The following LRRC37A3 variants were observed in gnomAD, a reference collection of about 807,000 sequenced individuals.
LRRC37A3 encodes the protein leucine-rich repeat-containing protein 37A3.
Under a neutral mutation model 106.2 loss-of-function variants are expected in LRRC37A3, and 25 were observed. The ratio of observed to expected loss-of-function variants is 0.24; its 90% confidence interval spans 0.17 to 0.33. The LOEUF (loss-of-function observed/expected upper bound fraction) is 0.33, where lower values mean the gene tolerates loss of function less well. Among genes scored for constraint, LRRC37A3 ranks in the 10% least tolerant of loss-of-function variants. LRRC37A3 has a pLI of 1.00. For synonymous variants in LRRC37A3, 305 were observed against 635.8 expected (o/e 0.48, Z 7.83); for missense variants, 712 against 1,644.9 (o/e 0.43, Z 9.81).
At chr17:64,864,838 TG>T (rs1285634694) in intron 10 of LRRC37A3, among the ~76,000 whole-genome samples, 3 of 152,090 alleles carry the variant, frequency 2.0e-5, no homozygotes, top group African/African-American at 7.2e-5. Context: ...GCAGAGGTTG[TG>T]GGGGGCCTTT....
intron 8 of LRRC37A3, among the ~76,000 whole-genome samples, chr17:64,881,370 T>A (rs1266690826): frequency 6.8e-6 from 1 of 146,306 alleles, no homozygotes; most frequent in Non-Finnish European, 1.5e-5. Context: ...GCCTCAGCCT[T>A]CAGAGTAGCT....
intron 2 of LRRC37A3, among the ~76,000 whole-genome samples, chr17:64,913,307 G>A (rs1262290455): frequency 6.7e-6 from 1 of 149,892 alleles, no homozygotes; most frequent in Non-Finnish European, 1.5e-5. Context: ...GGGTTTACAG[G>A]CATGAGCCAC....
At chr17:64,872,939 T>C (rs1446251133) in intron 8 of LRRC37A3, among the ~76,000 whole-genome samples, 1 of 152,088 alleles carries the variant, frequency 6.6e-6, no homozygotes, top group Non-Finnish European at 1.5e-5. Context: ...TGCCCCAACA[T>C]GTACACAGAG....
intron 13 of LRRC37A3, among the ~76,000 whole-genome samples, chr17:64,857,007 A>G (rs537109773): frequency 6.6e-6 from 1 of 152,230 alleles, no homozygotes; most frequent in East Asian, 1.9e-4. Context: ...AGGAAAGGAA[A>G]GGAAAAAGGA....
chr17:64,916,825 T>C (rs1974712978), intron 2 of LRRC37A3, among the ~76,000 whole-genome samples: 1 of 146,994 alleles, frequency 6.8e-6, no homozygotes, highest in African/African-American at 2.5e-5. Context: ...CCATAAACAA[T>C]GATATACAGA....
intron 8 of LRRC37A3, among the ~76,000 whole-genome samples, chr17:64,879,829 C>T (rs1294532775): frequency 1.3e-5 from 2 of 151,914 alleles, no homozygotes; most frequent in East Asian, 1.9e-4. Context: ...CTTTGGGAGG[C>T]CAAAGCAGAA....
intron 8 of LRRC37A3, among the ~76,000 whole-genome samples, chr17:64,875,179 A>G (rs1447075668): frequency 1.3e-5 from 2 of 152,248 alleles, no homozygotes; most frequent in Non-Finnish European, 2.9e-5. Flanking sequence ...CAGGAGGCTA[A>G]GGTGACAGCA....
rs780479466 is a variant in LRRC37A3, at chr17:64,859,518, G to A, written c.4628C>T (p.Thr1543Met). 20 of 1,611,360 alleles carry A rather than the reference G, an allele frequency of 1.2e-5. No individual in the cohort carries two copies. The highest frequency in any genetic ancestry group is 4.5e-5 in the East Asian group (2 of 44,822). The change falls in exon 12 of 15, where the codon ACG becomes ATG. Residue 1543 changes from threonine (T) to methionine (M), a missense_variant. Transcript: ENST00000584306. ...EVKASKIEWD[T>M]DQWKTENYIN... ...GTAGTTCTCAGTCTTCCATTGGTCC[G>A]TATCCCATTCTATCTTGGATGCCTT... is the stretch of plus-strand genomic sequence containing the variant.
chr17:64,878,701 G>A (rs1973592912), intron 8 of LRRC37A3, among the ~76,000 whole-genome samples: 1 of 152,192 alleles, frequency 6.6e-6, no homozygotes, highest in Non-Finnish European at 1.5e-5. Flanking sequence ...AAGACCCGGA[G>A]AAATTGAAAC....
rs1266311984 is a variant in LRRC37A3, at chr17:64,860,954, C to G, written c.3192G>C (p.Gly1064=). Residue 1064 remains glycine (G), a synonymous_variant, in exon 12 of 15, where the codon GGG becomes GGC. Transcript: ENST00000584306. ...TTHCPEEASV[G]NPEGAFMKVL... ...CCTTCATGAACGCTCCTTCTGGATTCCCTACAGATGCTTCTTCAGCTGTCA... is the reference window on the plus strand; with the variant it reads ...CCTTCATGAACGCTCCTTCTGGATTGCCTACAGATGCTTCTTCAGCTGTCA... 2 of 1,613,962 alleles carry G rather than the reference C, an allele frequency of 1.2e-6. No individual in the cohort carries two copies. Among genetic ancestry groups the G allele is most frequent in the Admixed American group, 1.7e-5 (1 of 60,010 alleles).
chr17:64,866,985 A>G (rs1973139054), intron 10 of LRRC37A3, among the ~76,000 whole-genome samples: 1 of 151,390 alleles, frequency 6.6e-6, no homozygotes, highest in African/African-American at 2.4e-5. Flanking sequence ...GATACATCAC[A>G]TATGCAAATT....
At chr17:64,866,559 C>CAT (rs750630548) in intron 10 of LRRC37A3, among the ~76,000 whole-genome samples, 106 of 82,320 alleles carry the variant, frequency 1.3e-3, no homozygotes, top group East Asian at 8.1e-3. Flanking sequence ...TATACACGTA[C>CAT]ATATATATAT....
chr17:64,867,842 G>T (rs1025669738), intron 10 of LRRC37A3, among the ~76,000 whole-genome samples: 10 of 152,016 alleles, frequency 6.6e-5, no homozygotes, highest in Non-Finnish European at 1.5e-4. Context: ...GGGAGGCTGA[G>T]GCAGGCGGAT....
chr17:64,890,650 G>A (rs1176002485), intron 5 of LRRC37A3, among the ~76,000 whole-genome samples: 1 of 134,092 alleles, frequency 7.5e-6, no homozygotes, highest in Non-Finnish European at 1.5e-5. Context: ...TGGCCAACAT[G>A]GTGAAACCCT....
At position 64,860,106 on chromosome 17, in the gene LRRC37A3, G is replaced by A. The variant is rs373038175; in HGVS notation, c.4040C>T (p.Ala1347Val). Residue 1347 changes from alanine (A) to valine (V), a missense_variant, in exon 12 of 15, where the codon GCG (alanine) becomes GTG (valine). By Grantham distance (64) the Ala-to-Val change is moderately conservative. Coordinates refer to ENST00000584306, the MANE Select transcript of LRRC37A3 (RefSeq NM_199340.5). ...TGAAGGGGAATTTATGAGGCTCTTC[G>A]CTGCAGAGAACGGAAGCCTGTTTGA... The part of the protein sequence containing the change: ...MLSNRLPFSA[A>V]KSLINSPSQG... 113 of 1,613,946 alleles carry A rather than the reference G, an allele frequency of 7.0e-5. No homozygotes were observed. The highest frequency in any genetic ancestry group is 4.9e-4 in the African/African-American group (37 of 75,032).
intron 13 of LRRC37A3, 67 bp downstream of exon 13, chr17:64,858,712 T>C: frequency 1.6e-6 from 2 of 1,267,184 alleles, no homozygotes; most frequent in Non-Finnish European, 2.3e-6. Context: ...GTTTTCAGTT[T>C]GTGAGCTCTG....
intron 10 of LRRC37A3, among the ~76,000 whole-genome samples, chr17:64,864,951 T>C (rs560900193): frequency 1.3e-5 from 2 of 152,290 alleles, no homozygotes; most frequent in Admixed American, 6.5e-5. Flanking sequence ...GGGGGTACAA[T>C]GTATAGAGTT....
rs1350402750 is a variant in LRRC37A3, at chr17:64,860,873, C to T, written c.3273G>A (p.Glu1091=). The T allele has an allele frequency of 3.1e-6, 5 of 1,614,078 alleles. No homozygotes were observed. Among genetic ancestry groups the T allele is most frequent in the African/African-American group, 2.7e-5 (2 of 74,936 alleles). Residue 1091 remains glutamate (E), a synonymous_variant, in exon 12 of 15, where the codon GAG becomes GAA. Coordinates refer to ENST00000584306, the MANE Select transcript of LRRC37A3 (RefSeq NM_199340.5). ...TSTELIIEPE[E]PSDSSGINLS... ...AGTTGATGCCACTGCTGTCTGAGGG[C>T]TCCTCCGGCTCAATAATCAGCTCAG... is the stretch of plus-strand genomic sequence containing the variant.
At chr17:64,869,789 C>T (rs1490225911) in intron 8 of LRRC37A3, among the ~76,000 whole-genome samples, 1 of 152,054 alleles carries the variant, frequency 6.6e-6, no homozygotes, top group Non-Finnish European at 1.5e-5. Context: ...GATCTACCTG[C>T]CTCAGCCTCC....
Sources: allele counts gnomAD v4.1 joint callset (sites outside exome capture counted in the v4.1 genomes callset), GRCh38; gene constraint gnomAD v4.1.1; transcripts MANE v1.5; gene names NCBI Gene and HGNC (gene_info 2026-07-23, HGNC 2026-07-21).